The following TFB1M variants were observed in gnomAD, a reference collection of about 807,000 sequenced individuals.
TFB1M encodes the protein dimethyladenosine transferase 1, mitochondrial.
Under a neutral mutation model 31.1 loss-of-function variants are expected in TFB1M, and 27 were observed. That is an observed-to-expected ratio of 0.87 (90% CI 0.64 to 1.20). The LOEUF (loss-of-function observed/expected upper bound fraction) is 1.20, where lower values mean the gene tolerates loss of function less well. Ranked by LOEUF, TFB1M falls within the 50% of genes most tolerant of loss-of-function variation. TFB1M has a pLI of 0.00. For missense variants in TFB1M, 394 were observed against 418.7 expected, an observed-to-expected ratio of 0.94 and a Z score of 0.51; for synonymous variants, 166 against 151.8, an observed-to-expected ratio of 1.09 and a Z score of -0.69.
chr6:155,245,757 T>TTTG, the TFB1M span: 14 of 1,403,518 alleles, frequency 1.0e-5, no homozygotes, highest in African/African-American at 1.5e-4. Context: ...CTTTTATAGT[T>TTTG]TTTTTTTTTT....
intron 2 of TFB1M, among the ~76,000 whole-genome samples, chr6:155,310,559 A>G (rs984770637): frequency 1.3e-5 from 2 of 152,194 alleles, no homozygotes; most frequent in Non-Finnish European, 2.9e-5. Flanking sequence ...TCTTTTCTCC[A>G]GTTGAAACAT....
chr6:155,244,317 AAG>A, the TFB1M span, among the ~76,000 whole-genome samples: 16 of 152,356 alleles, frequency 1.1e-4, no homozygotes, highest in African/African-American at 3.8e-4. Context: ...TTTGAGGTAG[AAG>A]AGAGTGTGAT....
the TFB1M span, among the ~76,000 whole-genome samples, chr6:155,247,109 G>A: frequency 2.0e-5 from 3 of 152,250 alleles, no homozygotes; most frequent in African/African-American, 7.2e-5. Context: ...AGGTGAATCT[G>A]CTTGGAGCTG....
chr6:155,268,054 C>T (rs1038826013), intron 5 of TFB1M, among the ~76,000 whole-genome samples: 3 of 152,172 alleles, frequency 2.0e-5, no homozygotes, highest in Admixed American at 6.5e-5. Context: ...CGAAGATGCC[C>T]TTGACTACAT....
At chr6:155,308,602 A>G (rs1777887068) in intron 2 of TFB1M, among the ~76,000 whole-genome samples, 1 of 152,170 alleles carries the variant, frequency 6.6e-6, no homozygotes, top group South Asian at 2.1e-4. Flanking sequence ...TCTTTACCAC[A>G]AAACTATACT....
rs1302022785 is a variant in TFB1M, at chr6:155,314,475, C to T, written c.-47G>A. The T allele has an allele frequency of 6.2e-7, 1 of 1,613,140 alleles. No individual in the cohort carries two copies. Among genetic ancestry groups the T allele is most frequent in the African/African-American group, 1.3e-5 (1 of 74,924 alleles). On this transcript the variant is annotated 5_prime_UTR_variant, in exon 1 of 7. In the 5' UTR this introduces an upstream ATG that the reference lacks. Transcript: ENST00000367166. Reference sequence around the variant, plus strand: ...AACCCTACCTCACCCAGGACCTTCACCGCCGCTCCGAAAGAAACGCGCAGG... The same window carrying T: ...AACCCTACCTCACCCAGGACCTTCATCGCCGCTCCGAAAGAAACGCGCAGG...
At chr6:155,254,522 A>C (rs746297229), downstream of TFB1M, 1 of 1,614,178 alleles carries the variant, frequency 6.2e-7, no homozygotes, top group African/African-American at 1.3e-5. Flanking sequence ...GAAAACGTGT[A>C]AGGATCGCCT....
chr6:155,257,922 CAA>C lies in TFB1M; in HGVS notation c.953_954del (p.Phe318CysfsTer3). On this transcript the variant is annotated frameshift_variant, in exon 7 of 7. Coordinates refer to ENST00000367166, the MANE Select transcript of TFB1M (RefSeq NM_016020.4). LOFTEE classifies it low-confidence loss of function (END_TRUNC). ...TTGAGTTCTTCTCTGAAATTATATG[CAA>C]AGAGTTGTGGGTCTTCATCACACAT... Reference protein sequence around the residue: ...RKMCDEDPQLFAYNFREELKR... With the variant: ...RKMCDEDPQLXAYNFREELKR... The C allele has an allele frequency of 2.5e-6, 4 of 1,614,110 alleles. No individual in the cohort carries two copies. Among genetic ancestry groups the C allele is most frequent in the Middle Eastern group, 1.6e-4 (1 of 6,062 alleles).
At chr6:155,307,136 TACACACACAC>T (rs61677970) in intron 2 of TFB1M, among the ~76,000 whole-genome samples, 15 of 147,356 alleles carry the variant, frequency 1.0e-4, no homozygotes, top group East Asian at 8.0e-4. Context: ...CTCAAACACA[TACACACACAC>T]ACACACACAC....
At chr6:155,296,077 C>T (rs1041212101) in intron 4 of TFB1M, among the ~76,000 whole-genome samples, 1 of 152,114 alleles carries the variant, frequency 6.6e-6, no homozygotes, top group Non-Finnish European at 1.5e-5. Context: ...ACCTTTGCAG[C>T]TCAAGCACCA....
intron 5 of TFB1M, among the ~76,000 whole-genome samples, chr6:155,261,649 G>A (rs1339712085): frequency 2.6e-5 from 4 of 152,196 alleles, no homozygotes; most frequent in Non-Finnish European, 5.9e-5. Flanking sequence ...GTGTCATCAA[G>A]GCCCCGGACC....
In TFB1M at chr6:155,257,099, C is replaced by A; in HGVS notation, c.*737G>T. 2 of 1,601,182 alleles carry A rather than the reference C, an allele frequency of 1.2e-6. No individual in the cohort carries two copies. Among genetic ancestry groups the A allele is most frequent in the Non-Finnish European group, 1.7e-6 (2 of 1,174,472 alleles). ...GTCAGTGAGGAGTGTTTTTATGAAA[C>A]AGAGAGCCACGGAAAATCATAGTAT... On this transcript the variant is annotated 3_prime_UTR_variant, in exon 7 of 7. Transcript: ENST00000367166.
intron 6 of TFB1M, 43 bp from the exon 7 acceptor site, chr6:155,258,125 A>C: frequency 6.2e-7 from 1 of 1,609,540 alleles, no homozygotes; most frequent in Non-Finnish European, 8.5e-7. Context: ...AATTTTACTT[A>C]AATTCTGCAA....
At chr6:155,230,836 CT>C in the TFB1M span, among the ~76,000 whole-genome samples, 207 of 140,952 alleles carry the variant, frequency 1.5e-3, no homozygotes, top group Middle Eastern at 3.6e-3. Flanking sequence ...GGCAGAGCTA[CT>C]TTTTTTTTTT....
chr6:155,249,406 G>T, the TFB1M span, among the ~76,000 whole-genome samples: 1 of 152,172 alleles, frequency 6.6e-6, no homozygotes, highest in Non-Finnish European at 1.5e-5. Context: ...TCAGGCTTGG[G>T]TTTGAAGCCT....
At chr6:155,314,039 T>C in intron 1 of TFB1M, 4 of 1,328,834 alleles carry the variant, frequency 3.0e-6, no homozygotes, top group South Asian at 1.5e-5. Context: ...CTTCCTCCCC[T>C]AGGGAGCTTG....
At chr6:155,245,757 T>TTA in the TFB1M span, 1 of 1,403,642 alleles carries the variant, frequency 7.1e-7, no homozygotes, top group African/African-American at 1.5e-5. Context: ...CTTTTATAGT[T>TTA]TTTTTTTTTT....
At chr6:155,294,420 C>T (rs921866928) in intron 4 of TFB1M, among the ~76,000 whole-genome samples, 5 of 152,078 alleles carry the variant, frequency 3.3e-5, no homozygotes, top group Non-Finnish European at 7.4e-5. Context: ...ACACATTTAA[C>T]TAAGGACTAG....
At position 155,269,098 on chromosome 6, in the gene TFB1M, T is replaced by C. The variant is rs367764853; in HGVS notation, c.667-8698A>G. Among the ~76,000 whole-genome samples the C allele has an allele frequency of 7.4e-3, 1,120 of 151,836 alleles. 14 individuals are homozygous for C. Among genetic ancestry groups the C allele is most frequent in the African/African-American group, 0.026 (1,066 of 41,470 alleles). The stretch of plus-strand genomic sequence containing the variant: ...AGAAGTAAATGCTGATATGTAAAGC[T>C]ACAGAGATTTCTGGGTTAATTTGTT... On this transcript the variant is annotated intron_variant, in intron 5 of 6. Transcript: ENST00000367166.
Sources: allele counts gnomAD v4.1 joint callset (sites outside exome capture counted in the v4.1 genomes callset), GRCh38; gene constraint gnomAD v4.1.1; transcripts MANE v1.5; gene names NCBI Gene and HGNC (gene_info 2026-07-23, HGNC 2026-07-21).